Variants in DGKB observed in about 807,000 individuals in gnomAD.
The protein encoded by DGKB is 90 kDa diacylglycerol kinase.
DGKB carries 67 observed loss-of-function variants against 114.3 expected under a neutral mutation model. That is an observed-to-expected ratio of 0.59 (90% confidence interval 0.48 to 0.72). The LOEUF is 0.72. Among genes scored for constraint, DGKB ranks in the 30% least tolerant of loss-of-function variants. DGKB has a pLI of 0.00. For synonymous variants in DGKB, 398 were observed against 323.1 expected (o/e 1.23, Z -2.49); for missense variants, 907 against 975.2 (o/e 0.93, Z 0.93).
chr7:14,827,488 C>T (rs1304651492), intron 2 of DGKB, among the ~76,000 whole-genome samples: 1 of 152,010 alleles, frequency 6.6e-6, no homozygotes, highest in Non-Finnish European at 1.5e-5. Flanking sequence ...AAATCTCAAC[C>T]TCTAGCAGTG....
At chr7:14,747,216 A>T (rs1387992443) in intron 4 of DGKB, among the ~76,000 whole-genome samples, 1 of 144,110 alleles carries the variant, frequency 6.9e-6, no homozygotes, top group African/African-American at 2.7e-5. Flanking sequence ...TTCCTAAGAG[A>T]AGGTCTCTCT....
At chr7:14,735,402 T>G (rs957032) in intron 5 of DGKB, among the ~76,000 whole-genome samples, 97,907 of 152,098 alleles carry the variant, frequency 0.64, 35,234 homozygotes, top group Non-Finnish European at 0.81. Flanking sequence ...ATCACCTGTC[T>G]TCTCTTTTTG....
At chr7:14,639,067 A>G (rs1030602058) in intron 13 of DGKB, among the ~76,000 whole-genome samples, 1 of 141,690 alleles carries the variant, frequency 7.1e-6, no homozygotes, top group Admixed American at 6.8e-5. Flanking sequence ...TTATTTATTA[A>G]ATTAAAAAAA....
At chr7:14,629,949 T>C (rs1302382966) in intron 14 of DGKB, among the ~76,000 whole-genome samples, 2 of 152,064 alleles carry the variant, frequency 1.3e-5, no homozygotes, top group Non-Finnish European at 2.9e-5. Flanking sequence ...TTCTATGTAG[T>C]AAAAACTCTT....
chr7:14,905,423 C>T (rs1562865175), upstream of DGKB, among the ~76,000 whole-genome samples: 1 of 152,122 alleles, frequency 6.6e-6, no homozygotes, highest in East Asian at 1.9e-4. Context: ...GTAAAACTTA[C>T]AAATCACTCC....
At chr7:14,224,264 CT>C (rs1197595052) in intron 23 of DGKB, among the ~76,000 whole-genome samples, 1 of 151,800 alleles carries the variant, frequency 6.6e-6, no homozygotes, top group Non-Finnish European at 1.5e-5. Flanking sequence ...TTAATTATTT[CT>C]TTGCCACTTC....
chr7:14,279,457 A>C (rs1799559625), intron 23 of DGKB, among the ~76,000 whole-genome samples: 1 of 152,200 alleles, frequency 6.6e-6, no homozygotes, highest in Non-Finnish European at 1.5e-5. Flanking sequence ...AGACAGCAGT[A>C]ACCTCTGCAG....
At chr7:14,242,272 T>C (rs1252498976) in intron 23 of DGKB, among the ~76,000 whole-genome samples, 1 of 152,030 alleles carries the variant, frequency 6.6e-6, no homozygotes, top group Non-Finnish European at 1.5e-5. Flanking sequence ...GTATGCGAGG[T>C]TGGATAAATC....
intron 20 of DGKB, among the ~76,000 whole-genome samples, chr7:14,544,828 C>G (rs1347070517): frequency 6.6e-6 from 1 of 151,964 alleles, no homozygotes; most frequent in Non-Finnish European, 1.5e-5. Context: ...AGATCTCCAT[C>G]TTTGCTTTCC....
At chr7:14,935,105 C>G (rs1244464168) in intron 1 of DGKB, among the ~76,000 whole-genome samples, 2 of 152,088 alleles carry the variant, frequency 1.3e-5, no homozygotes, top group Non-Finnish European at 2.9e-5. Flanking sequence ...TGGGGCCTGT[C>G]TCTTTATGTG....
chr7:14,506,409 A>T (rs747353102), intron 20 of DGKB, among the ~76,000 whole-genome samples: 6 of 152,222 alleles, frequency 3.9e-5, no homozygotes, highest in African/African-American at 1.2e-4. Context: ...TAGACTATGT[A>T]GCTATAAAAC....
At chr7:14,160,127 A>C (rs1261339285) in intron 25 of DGKB, among the ~76,000 whole-genome samples, 1 of 152,068 alleles carries the variant, frequency 6.6e-6, no homozygotes, top group Non-Finnish European at 1.5e-5. Flanking sequence ...GAGTTTTTCA[A>C]AATAATAATA....
intron 1 of DGKB, among the ~76,000 whole-genome samples, chr7:14,909,281 A>G (rs1783865035): frequency 2.0e-5 from 3 of 152,142 alleles, no homozygotes; most frequent in Admixed American, 6.6e-5. Context: ...TTATAACCAT[A>G]TTTTAAAATG....
intron 20 of DGKB, among the ~76,000 whole-genome samples, chr7:14,536,726 A>G (rs933403722): frequency 2.0e-5 from 3 of 152,158 alleles, no homozygotes; most frequent in African/African-American, 7.2e-5. Flanking sequence ...ATCATACTCA[A>G]CAGAGAAATG....
chr7:14,398,642 T>C (rs1169400041), intron 21 of DGKB, among the ~76,000 whole-genome samples: 5 of 152,024 alleles, frequency 3.3e-5, no homozygotes, highest in African/African-American at 1.2e-4. Context: ...GTAGTAACTT[T>C]ATTCTGATGA....
At chr7:14,156,325 C>T (rs1783015278) in intron 25 of DGKB, among the ~76,000 whole-genome samples, 1 of 152,030 alleles carries the variant, frequency 6.6e-6, no homozygotes, top group Non-Finnish European at 1.5e-5. Context: ...TTTAAGTAGT[C>T]ATTCATATTG....
chr7:14,629,118 A>C (rs1809197028), intron 14 of DGKB, among the ~76,000 whole-genome samples: 2 of 152,012 alleles, frequency 1.3e-5, no homozygotes, highest in African/African-American at 4.8e-5. Flanking sequence ...GCAGAAACAA[A>C]CTCAAGAACC....
intron 2 of DGKB, among the ~76,000 whole-genome samples, chr7:14,838,254 G>A (rs1847425461): frequency 6.6e-6 from 1 of 152,092 alleles, no homozygotes; most frequent in African/African-American, 2.4e-5. Flanking sequence ...TAGTAGAAAT[G>A]TCTTTCTTCT....
intron 21 of DGKB, among the ~76,000 whole-genome samples, chr7:14,423,423 T>C (rs1418192374): frequency 6.6e-6 from 1 of 152,070 alleles, no homozygotes; most frequent in Non-Finnish European, 1.5e-5. Flanking sequence ...TAAGAGGTTT[T>C]AAACGGTCTC....
Sources: allele counts gnomAD v4.1 joint callset (sites outside exome capture counted in the v4.1 genomes callset), GRCh38; gene constraint gnomAD v4.1.1; transcripts MANE v1.5; gene names NCBI Gene and HGNC (gene_info 2026-07-23, HGNC 2026-07-21).